ASCC3: variants seen among roughly 807,000 people sequenced by gnomAD.
ASCC3 encodes ASC-1 complex subunit P200.
A neutral mutation model predicts 256.3 loss-of-function variants in ASCC3; 158 were observed. The ratio of observed to expected loss-of-function variants is 0.62; its 90% CI spans 0.54 to 0.70. ASCC3 has a LOEUF of 0.70. ASCC3 is among the 30% of genes least tolerant of loss of function. The pLI is 0.00. For synonymous variants in ASCC3, 948 were observed against 883.4 expected (o/e 1.07, Z -1.30); for missense variants, 2,259 against 2,626.0 (o/e 0.86, Z 3.05).
intron 36 of ASCC3, among the ~76,000 whole-genome samples, chr6:100,579,093 T>G (rs573411649): frequency 1.3e-5 from 2 of 152,016 alleles, no homozygotes; most frequent in Non-Finnish European, 2.9e-5. Flanking sequence ...CGTTGAGCAC[T>G]TTTTTTCCTA....
intron 36 of ASCC3, among the ~76,000 whole-genome samples, chr6:100,562,818 T>C (rs1770026169): frequency 6.6e-6 from 1 of 152,104 alleles, no homozygotes; most frequent in South Asian, 2.1e-4. Context: ...AAAATAAACA[T>C]GTTGATAGAT....
At chr6:100,689,108 A>T (rs1449775166) in intron 13 of ASCC3, among the ~76,000 whole-genome samples, 1 of 152,036 alleles carries the variant, frequency 6.6e-6, no homozygotes, top group African/African-American at 2.4e-5. Flanking sequence ...AATTCTATAA[A>T]CCTACAAAGC....
chr6:100,521,231 G>T (rs979104320), intron 37 of ASCC3, among the ~76,000 whole-genome samples: 5 of 151,892 alleles, frequency 3.3e-5, no homozygotes, highest in African/African-American at 1.2e-4. Flanking sequence ...CTTAATAATG[G>T]CTCTGACGTA....
intron 36 of ASCC3, among the ~76,000 whole-genome samples, chr6:100,557,433 G>C (rs1333819849): frequency 6.6e-6 from 1 of 152,032 alleles, no homozygotes; most frequent in Non-Finnish European, 1.5e-5. Context: ...GTTGATTTTA[G>C]TATGGATATG....
chr6:100,682,053 T>C (rs1401358006), intron 13 of ASCC3, among the ~76,000 whole-genome samples: 1 of 152,208 alleles, frequency 6.6e-6, no homozygotes, highest in Non-Finnish European at 1.5e-5. Context: ...TCTATCATTC[T>C]ATCTCTTGCA....
intron 4 of ASCC3, among the ~76,000 whole-genome samples, chr6:100,846,256 G>T (rs558269281): frequency 6.6e-6 from 1 of 152,064 alleles, no homozygotes; most frequent in South Asian, 2.1e-4. Context: ...AAATTATACT[G>T]AAAATTTGCC....
Position 100,715,460 on chromosome 6 carries a change from A to G in ASCC3, c.2151+2T>C. ...GTGTAAAAGCAGATAAAATAAGTGT[A>G]CCTGGTGTCCAGCCTTTACTTGCTT... is the stretch of plus-strand genomic sequence containing the variant. On this transcript the variant is annotated splice_donor_variant, in intron 13 of 41. Coordinates refer to ENST00000369162, the MANE Select transcript of ASCC3 (RefSeq NM_006828.4). LOFTEE classifies it high-confidence loss of function. 6.2e-7 allele frequency: 1 copy of G among 1,607,210 alleles called. No individual in the cohort carries two copies. The highest frequency in any genetic ancestry group is 2.2e-5 in the East Asian group (1 of 44,630).
chr6:100,549,372 C>T (rs932300229), intron 36 of ASCC3, among the ~76,000 whole-genome samples: 1 of 151,904 alleles, frequency 6.6e-6, no homozygotes, highest in African/African-American at 2.4e-5. Flanking sequence ...ACTGTCTTCA[C>T]TATTTTGGAC....
At position 100,581,406 on chromosome 6, in the gene ASCC3, C is replaced by T. The variant is rs1490918577; in HGVS notation, c.5550+8228G>A. Among the ~76,000 whole-genome samples, 22 of 152,194 alleles carry T rather than the reference C, an allele frequency of 1.4e-4. No homozygotes were observed. The East Asian group carries it at 4.3e-3, about 29-fold the overall frequency. On this transcript the variant is annotated intron_variant, in intron 36 of 41. Coordinates refer to ENST00000369162, the MANE Select transcript of ASCC3 (RefSeq NM_006828.4). ...CTTTTGAGAAGTGTCTGTTCATGTC[C>T]TTCACCCACTTTTTGATGGGGTTGT...
intron 4 of ASCC3, among the ~76,000 whole-genome samples, chr6:100,840,530 AAT>A (rs1772094165): frequency 7.5e-6 from 1 of 134,164 alleles, no homozygotes; most frequent in Admixed American, 7.7e-5. Flanking sequence ...TCTTTATTGC[AAT>A]GTTATTTTAG....
intron 16 of ASCC3, 54 bp downstream of exon 16, chr6:100,661,752 G>A: frequency 1.3e-6 from 2 of 1,539,746 alleles, no homozygotes; most frequent in Non-Finnish European, 1.8e-6. Flanking sequence ...CATCTTTCTT[G>A]GTCATTCTTA....
chr6:100,852,061 G>C (rs1022881390), intron 3 of ASCC3, among the ~76,000 whole-genome samples: 1 of 152,196 alleles, frequency 6.6e-6, no homozygotes. Context: ...TGAGAGCCCT[G>C]ATCAGATTGG....
chr6:100,579,736 T>C (rs1322248586), intron 36 of ASCC3, among the ~76,000 whole-genome samples: 2 of 152,154 alleles, frequency 1.3e-5, no homozygotes, highest in Non-Finnish European at 2.9e-5. Context: ...TGTAGCCTTG[T>C]AGTATAGTTT....
At chr6:100,843,335 T>C (rs1772238415) in intron 4 of ASCC3, among the ~76,000 whole-genome samples, 1 of 152,274 alleles carries the variant, frequency 6.6e-6, no homozygotes, top group South Asian at 2.1e-4. Context: ...AGAAATGAAC[T>C]TGCATGGGTC....
chr6:100,717,958 A>G (rs944563114), intron 12 of ASCC3, 117 bp downstream of exon 12: 10 of 916,134 alleles, frequency 1.1e-5, no homozygotes, highest in Non-Finnish European at 1.5e-5. Context: ...GCAAAAGGCC[A>G]TTTCAGTGGA....
intron 13 of ASCC3, among the ~76,000 whole-genome samples, chr6:100,710,118 G>C (rs1369478467): frequency 1.3e-5 from 2 of 152,060 alleles, no homozygotes; most frequent in Non-Finnish European, 2.9e-5. Context: ...ATCTGGACAC[G>C]ATCTCAGATC....
At chr6:100,545,090 AC>A (rs1322819811) in intron 36 of ASCC3, among the ~76,000 whole-genome samples, 1 of 152,202 alleles carries the variant, frequency 6.6e-6, no homozygotes, top group Non-Finnish European at 1.5e-5. Flanking sequence ...AAAAAATCTG[AC>A]AAAGTTCAAC....
At chr6:100,545,141 G>A (rs998796402) in intron 36 of ASCC3, among the ~76,000 whole-genome samples, 1 of 152,072 alleles carries the variant, frequency 6.6e-6, no homozygotes, top group African/African-American at 2.4e-5. Context: ...CTAAGAAAAG[G>A]AGGGTTACTT....
intron 4 of ASCC3, among the ~76,000 whole-genome samples, chr6:100,845,885 G>A (rs1772359096): frequency 6.6e-6 from 1 of 152,168 alleles, no homozygotes; most frequent in African/African-American, 2.4e-5. Flanking sequence ...ACCACAGGTT[G>A]AGAAGAATTT....
Sources: allele counts gnomAD v4.1 joint callset (sites outside exome capture counted in the v4.1 genomes callset), GRCh38; gene constraint gnomAD v4.1.1; transcripts MANE v1.5; gene names NCBI Gene and HGNC (gene_info 2026-07-23, HGNC 2026-07-21).